The following NRXN1 variants were observed in gnomAD, a reference collection of about 807,000 sequenced individuals.
The protein encoded by NRXN1 is neurexin-1.
NRXN1 carries 39 observed loss-of-function variants against 150.9 expected under a neutral mutation model. The ratio of observed to expected loss-of-function variants is 0.26; its 90% CI spans 0.20 to 0.34. The LOEUF is 0.34. Among genes scored for constraint, NRXN1 ranks in the 10% least tolerant of loss-of-function variants. NRXN1 has a pLI of 1.00. For synonymous variants in NRXN1, 924 were observed against 757.0 expected (o/e 1.22, Z -3.62); for missense variants, 1,815 against 1,949.9 (o/e 0.93, Z 1.30).
chr2:50,996,867 A>C (rs1352319856), intron 2 of NRXN1, among the ~76,000 whole-genome samples: 2 of 152,078 alleles, frequency 1.3e-5, no homozygotes, highest in Non-Finnish European at 2.9e-5. Flanking sequence ...CACATGGCGT[A>C]GGTTTCATCA....
rs547463311 is a variant in NRXN1 at position 50,571,067 on chromosome 2, A to C, written c.1321-18042T>G. Reference sequence around the variant, plus strand: ...GTCTAAGTTTAAATCCCAAATCAGAATGCCTACACTGGAGGAAAAAATCAG... The same window carrying C: ...GTCTAAGTTTAAATCCCAAATCAGACTGCCTACACTGGAGGAAAAAATCAG... On this transcript the variant is annotated intron_variant, in intron 8 of 22. Transcript: ENST00000401669. Among the ~76,000 whole-genome samples the C allele has an allele frequency of 3.9e-5, 6 of 152,284 alleles. No individual in the cohort carries two copies. In the South Asian group the frequency reaches 6.2e-4, roughly 16 times the overall value.
intron 5 of NRXN1, among the ~76,000 whole-genome samples, chr2:50,897,855 C>A (rs1307263134): frequency 6.6e-6 from 1 of 152,126 alleles, no homozygotes; most frequent in African/African-American, 2.4e-5. Context: ...AAACAATTGT[C>A]AAAATTCATC....
At chr2:50,636,211 T>A (rs1354623203) in intron 5 of NRXN1, among the ~76,000 whole-genome samples, 2 of 152,208 alleles carry the variant, frequency 1.3e-5, no homozygotes, top group Non-Finnish European at 2.9e-5. Context: ...AGTTTGTGCC[T>A]GAGTAACTTA....
At chr2:50,870,204 T>C (rs1196703668) in intron 5 of NRXN1, among the ~76,000 whole-genome samples, 1 of 151,928 alleles carries the variant, frequency 6.6e-6, no homozygotes, top group African/African-American at 2.4e-5. Context: ...AATTATCAAA[T>C]TTCCTAGTAT....
intron 17 of NRXN1, among the ~76,000 whole-genome samples, chr2:50,452,992 T>G (rs1402833294): frequency 6.6e-6 from 1 of 152,174 alleles, no homozygotes; most frequent in Non-Finnish European, 1.5e-5. Flanking sequence ...AGGCTGATAA[T>G]CAAAATGAAA....
chr2:50,101,888 A>C (rs1424760469), intron 18 of NRXN1, among the ~76,000 whole-genome samples: 1 of 152,044 alleles, frequency 6.6e-6, no homozygotes, highest in African/African-American at 2.4e-5. Flanking sequence ...AGCCTCAAGA[A>C]GAGCCCTACC....
At chr2:50,581,425 A>T (rs1672247649) in intron 8 of NRXN1, among the ~76,000 whole-genome samples, 1 of 152,188 alleles carries the variant, frequency 6.6e-6, no homozygotes, top group Non-Finnish European at 1.5e-5. Flanking sequence ...AAACTCAAAT[A>T]AATTAAACTG....
intron 5 of NRXN1, among the ~76,000 whole-genome samples, chr2:50,735,727 T>G (rs1024707518): frequency 6.6e-6 from 1 of 152,196 alleles, no homozygotes; most frequent in Non-Finnish European, 1.5e-5. Context: ...CACAACACTC[T>G]TTTCTTAGGT....
chr2:50,289,345 G>A (rs1163692967), intron 17 of NRXN1, among the ~76,000 whole-genome samples: 3 of 152,066 alleles, frequency 2.0e-5, no homozygotes, highest in Non-Finnish European at 4.4e-5. Context: ...GTGGATCTGG[G>A]TAGCTGTGAT....
chr2:50,155,415 C>A (rs2058955878), intron 18 of NRXN1, among the ~76,000 whole-genome samples: 2 of 147,696 alleles, frequency 1.4e-5, no homozygotes, highest in South Asian at 4.4e-4. Flanking sequence ...AATCTGCTAC[C>A]CAAGAACAAT....
chr2:50,622,244 C>CT (rs1680156324), intron 6 of NRXN1, among the ~76,000 whole-genome samples: 1 of 152,126 alleles, frequency 6.6e-6, no homozygotes, highest in African/African-American at 2.4e-5. Context: ...TAGACTAAAT[C>CT]TACACTCCTA....
intron 5 of NRXN1, among the ~76,000 whole-genome samples, chr2:50,637,871 T>C (rs1014438296): frequency 1.3e-5 from 2 of 150,590 alleles, no homozygotes; most frequent in Admixed American, 6.6e-5. Flanking sequence ...TTAGATCTAG[T>C]ATTTAAAAAA....
intron 18 of NRXN1, among the ~76,000 whole-genome samples, chr2:50,194,292 T>C (rs1265672278): frequency 6.6e-6 from 1 of 152,164 alleles, no homozygotes; most frequent in Non-Finnish European, 1.5e-5. Flanking sequence ...GCTGCAGCAG[T>C]TGACTAGTTT....
intron 18 of NRXN1, among the ~76,000 whole-genome samples, chr2:50,126,747 C>A (rs1191847329): frequency 6.6e-6 from 1 of 151,988 alleles, no homozygotes; most frequent in Non-Finnish European, 1.5e-5. Context: ...GGAAACTATG[C>A]ATAGAAAAAC....
chr2:50,620,700 C>G (rs1350723536), intron 7 of NRXN1, among the ~76,000 whole-genome samples: 1 of 151,954 alleles, frequency 6.6e-6, no homozygotes, highest in Admixed American at 6.6e-5. Context: ...AGAGAAAAGG[C>G]AAAACAACCA....
chr2:50,021,659 C>T (rs1687584362), intron 21 of NRXN1, among the ~76,000 whole-genome samples: 1 of 149,300 alleles, frequency 6.7e-6, no homozygotes, highest in African/African-American at 2.6e-5. Flanking sequence ...TTAGTGCTGT[C>T]TTTCTAGACG....
At chr2:50,931,587 T>C (rs763329331) in intron 2 of NRXN1, among the ~76,000 whole-genome samples, 5 of 152,014 alleles carry the variant, frequency 3.3e-5, no homozygotes, top group Non-Finnish European at 5.9e-5. Flanking sequence ...CCCTCACATA[T>C]GTAACAAACA....
At chr2:50,411,288 G>A (rs984828017) in intron 17 of NRXN1, among the ~76,000 whole-genome samples, 5 of 152,230 alleles carry the variant, frequency 3.3e-5, no homozygotes, top group Admixed American at 6.5e-5. Flanking sequence ...TTGGCCTCCC[G>A]AGGTGCCGGG....
At chr2:50,034,149 C>T (rs781646737) in intron 21 of NRXN1, among the ~76,000 whole-genome samples, 2 of 151,944 alleles carry the variant, frequency 1.3e-5, no homozygotes, top group African/African-American at 4.8e-5. Context: ...TGAGTATATA[C>T]CCAAAGGAAT....
Sources: gnomAD v4.1 joint callset for allele counts (sites outside exome capture counted in the v4.1 genomes callset) on GRCh38, gnomAD v4.1.1 for gene constraint, MANE v1.5 for transcripts, NCBI Gene and HGNC (gene_info 2026-07-23, HGNC 2026-07-21) for gene names.